Variants in CEMIP observed in about 807,000 individuals in gnomAD.
CEMIP encodes cell migration inducing hyaluronidase 1.
In CEMIP, 105 loss-of-function variants were observed where a neutral mutation model predicts 156.9. The ratio of observed to expected loss-of-function variants is 0.67; its 90% CI spans 0.57 to 0.79. The LOEUF is 0.79. CEMIP is among the 30% of genes least tolerant of loss of function. CEMIP has a pLI of 0.00. For missense variants in CEMIP, 1,457 were observed against 1,769.4 expected, an observed-to-expected ratio of 0.82 and a Z score of 3.17; for synonymous variants, 676 against 668.4, an observed-to-expected ratio of 1.01 and a Z score of -0.17.
intron 1 of CEMIP, among the ~76,000 whole-genome samples, chr15:80,824,166 G>A (rs1333347882): frequency 1.3e-5 from 2 of 152,202 alleles, no homozygotes; most frequent in South Asian, 4.1e-4. Flanking sequence ...CCCTGGGGAC[G>A]GGTGTTGTGT....
Position 80,889,487 on chromosome 15 carries a change from G to A in CEMIP, c.981G>A (p.Glu327=). The change falls in exon 10 of 30, where the codon GAG becomes GAA. Residue 327 remains glutamate (E), a synonymous_variant. Coordinates refer to ENST00000394685, the MANE Select transcript of CEMIP (RefSeq NM_001293298.2). ...SEWVQDVEWT[E]WFDHDKVSQT... ...TCTGCCTAGACGTGGAGTGGACGGA[G>A]TGGTTCGATCATGATAAAGTATCTC... 1 of 1,614,160 alleles carries A rather than the reference G, an allele frequency of 6.2e-7. No homozygotes were observed.
intron 1 of CEMIP, among the ~76,000 whole-genome samples, chr15:80,866,131 A>G (rs992357223): frequency 1.3e-5 from 2 of 152,190 alleles, no homozygotes; most frequent in Admixed American, 1.3e-4. Context: ...ACTTGATGGC[A>G]CAGCAGGATC....
intron 29 of CEMIP, chr15:80,948,533 GT>G: frequency 1.9e-6 from 1 of 517,478 alleles, no homozygotes; most frequent in South Asian, 2.0e-5. Context: ...ATTTCCTGCT[GT>G]GCATGGCTCC....
intron 3 of CEMIP, among the ~76,000 whole-genome samples, chr15:80,874,815 C>T (rs145680943): frequency 7.2e-5 from 11 of 152,264 alleles, no homozygotes; most frequent in South Asian, 2.1e-4. Flanking sequence ...GCAATATTAT[C>T]ATCACCATTG....
Position 80,922,012 on chromosome 15 carries a change from A to G in CEMIP, c.2077A>G (p.Thr693Ala). 1 of 1,614,150 alleles carries G rather than the reference A, an allele frequency of 6.2e-7. No homozygotes were observed. The highest frequency in any genetic ancestry group is 8.5e-7 in the Non-Finnish European group (1 of 1,180,014). ...CCCTTGTGTCCTTCCCCAACAGGAA[A>G]CTGGATTTTGGTTTATTTTTCACCA... ...INCAAAGSEE[T>A]GFWFIFHHVP... Residue 693 changes from threonine (T) to alanine (A), a missense_variant, in exon 17 of 30, where the codon ACT (threonine) becomes GCT (alanine). Physicochemically the swap from Thr to Ala is moderately conservative, Grantham distance 58 (BLOSUM62 0). Coordinates refer to ENST00000394685, the MANE Select transcript of CEMIP (RefSeq NM_001293298.2).
In CEMIP at chr15:80,915,983, C is replaced by T. The variant is rs560832978; in HGVS notation, c.1798-4111C>T. Among the ~76,000 whole-genome samples, 886 of 152,234 alleles carry T rather than the reference C, an allele frequency of 5.8e-3. 12 individuals carry two copies. Among genetic ancestry groups the T allele is most frequent in the African/African-American group, 0.02 (839 of 41,530 alleles). ...TTTATAACATGGCTGTATTTGTTGT[C>T]GAGTTTTTCATTAACATAAATCATA... is the stretch of plus-strand genomic sequence containing the variant. On this transcript the variant is annotated intron_variant, in intron 14 of 29. Transcript: ENST00000394685.
At chr15:80,802,191 T>C (rs532960571) in intron 1 of CEMIP, among the ~76,000 whole-genome samples, 4 of 152,288 alleles carry the variant, frequency 2.6e-5, no homozygotes, top group South Asian at 4.1e-4. Context: ...CAAGGCACAG[T>C]AACAAGGAGC....
chr15:80,803,120 C>T (rs1896420243), intron 1 of CEMIP, among the ~76,000 whole-genome samples: 1 of 152,140 alleles, frequency 6.6e-6, no homozygotes, highest in Non-Finnish European at 1.5e-5. Flanking sequence ...GATTCCTCAG[C>T]TCAATTGTGA....
intron 1 of CEMIP, among the ~76,000 whole-genome samples, chr15:80,839,289 A>AGTTGTGT (rs1555429517): frequency 7.6e-6 from 1 of 131,120 alleles, no homozygotes; most frequent in Non-Finnish European, 1.6e-5. Context: ...CAAGGCCGTG[A>AGTTGTGT]GTGTGTGTGT....
At chr15:80,793,259 C>G (rs987355425) in intron 1 of CEMIP, among the ~76,000 whole-genome samples, 8 of 152,202 alleles carry the variant, frequency 5.3e-5, no homozygotes, top group African/African-American at 1.9e-4. Flanking sequence ...GTCTTTCCCC[C>G]TTCTGCTCTC....
At chr15:80,879,649 T>G in intron 4 of CEMIP, 67 bp from the exon 5 acceptor site, 1 of 1,602,258 alleles carries the variant, frequency 6.2e-7, no homozygotes, top group South Asian at 1.1e-5. Context: ...GAGTCTGCCC[T>G]TGGCTCTGAT....
intron 1 of CEMIP, among the ~76,000 whole-genome samples, chr15:80,805,271 C>T (rs1019268508): frequency 3.3e-5 from 5 of 152,168 alleles, no homozygotes; most frequent in African/African-American, 1.2e-4. Flanking sequence ...AGGTCCGAAG[C>T]AAAAGGAATA....
chr15:80,824,879 C>G (rs1361657945), intron 1 of CEMIP, among the ~76,000 whole-genome samples: 1 of 152,214 alleles, frequency 6.6e-6, no homozygotes, highest in Non-Finnish European at 1.5e-5. Context: ...GCCCACTTTT[C>G]TCCAGCTCAG....
At chr15:80,838,945 C>T (rs993427665) in intron 1 of CEMIP, among the ~76,000 whole-genome samples, 1 of 152,192 alleles carries the variant, frequency 6.6e-6, no homozygotes, top group African/African-American at 2.4e-5. Flanking sequence ...CAAAGCGCTC[C>T]GTGCATGTTT....
intron 10 of CEMIP, among the ~76,000 whole-genome samples, chr15:80,893,834 CTT>C (rs1210932013): frequency 4.8e-4 from 68 of 142,668 alleles, no homozygotes; most frequent in Admixed American, 7.0e-4. Flanking sequence ...AAAGTCTCCT[CTT>C]TTTTTTTTTT....
intron 1 of CEMIP, among the ~76,000 whole-genome samples, chr15:80,820,091 G>T (rs918651378): frequency 1.3e-5 from 2 of 152,182 alleles, no homozygotes; most frequent in Non-Finnish European, 2.9e-5. Flanking sequence ...TCCTGCTCTG[G>T]ACTGTTCCAG....
At chr15:80,915,337 G>T (rs1050090281) in intron 14 of CEMIP, among the ~76,000 whole-genome samples, 1 of 152,220 alleles carries the variant, frequency 6.6e-6, no homozygotes, top group Admixed American at 6.5e-5. Flanking sequence ...AAGTCAGTCT[G>T]GCCTACGCCC....
At chr15:80,903,097 C>T (rs1899640422) in intron 12 of CEMIP, 1 of 152,266 alleles carries the variant, frequency 6.6e-6, no homozygotes, top group Non-Finnish European at 1.5e-5. Context: ...ATTATCTTAC[C>T]TCTGCAGCCA....
chr15:80,903,029 G>C (rs1899637568), intron 12 of CEMIP: 1 of 152,214 alleles, frequency 6.6e-6, no homozygotes, highest in Admixed American at 6.5e-5. Context: ...ACAGCTGTGA[G>C]CTGAGTTGGA....
Sources: allele counts gnomAD v4.1 joint callset (sites outside exome capture counted in the v4.1 genomes callset), GRCh38; gene constraint gnomAD v4.1.1; transcripts MANE v1.5; gene names NCBI Gene and HGNC (gene_info 2026-07-23, HGNC 2026-07-21).